CDC14A: variants seen among roughly 807,000 people sequenced by gnomAD.
CDC14A encodes dual specificity protein phosphatase CDC14A.
CDC14A carries 53 observed loss-of-function variants against 74.4 expected under a neutral mutation model. The observed-to-expected ratio is 0.71, with a 90% CI of 0.57 to 0.89. The LOEUF (loss-of-function observed/expected upper bound fraction) is 0.89, where lower values mean the gene tolerates loss of function less well. Among genes scored for constraint, CDC14A ranks in the 40% least tolerant of loss-of-function variants. CDC14A has a pLI of 0.00. For missense variants in CDC14A, 646 were observed against 713.7 expected, an observed-to-expected ratio of 0.91 and a Z score of 1.08; for synonymous variants, 247 against 258.4, an observed-to-expected ratio of 0.96 and a Z score of 0.43.
chr1:100,369,304 T>A (rs1654095384), intron 2 of CDC14A, among the ~76,000 whole-genome samples: 1 of 152,190 alleles, frequency 6.6e-6, no homozygotes, highest in Non-Finnish European at 1.5e-5. Context: ...AGATGGGGTT[T>A]CACCATGTTG....
chr1:100,352,460 A>G, upstream of CDC14A: 1 of 1,008,826 alleles, frequency 9.9e-7, no homozygotes, highest in Non-Finnish European at 1.2e-6. Flanking sequence ...GGGGAGGAGG[A>G]GGAGGAAGAG....
chr1:100,414,967 G>C (rs1257174454), intron 4 of CDC14A, among the ~76,000 whole-genome samples: 1 of 152,096 alleles, frequency 6.6e-6, no homozygotes, highest in Non-Finnish European at 1.5e-5. Flanking sequence ...CACACAACCA[G>C]CTCAGTGAGG....
intron 4 of CDC14A, among the ~76,000 whole-genome samples, chr1:100,401,986 C>T (rs368817602): frequency 1.3e-5 from 2 of 151,478 alleles, no homozygotes; most frequent in African/African-American, 2.4e-5. Flanking sequence ...TGTGGTGAGC[C>T]GAGATCGCGC....
intron 2 of CDC14A, among the ~76,000 whole-genome samples, chr1:100,374,264 G>T (rs79230816): frequency 6.6e-6 from 1 of 151,798 alleles, no homozygotes; most frequent in Non-Finnish European, 1.5e-5. Flanking sequence ...CGCAATAAAC[G>T]TACGTGTGCA....
chr1:100,482,810 C>T (rs939268255), intron 10 of CDC14A, among the ~76,000 whole-genome samples: 4 of 151,724 alleles, frequency 2.6e-5, no homozygotes, highest in East Asian at 1.9e-4. Flanking sequence ...AGAGAGATAT[C>T]GAAAGATATA....
chr1:100,462,163 G>A (rs1288395685), intron 8 of CDC14A, among the ~76,000 whole-genome samples: 2 of 152,190 alleles, frequency 1.3e-5, no homozygotes, highest in Non-Finnish European at 2.9e-5. Flanking sequence ...ATACGCAATT[G>A]TGACTTGTAC....
rs755431377 is a variant in CDC14A at position 100,499,222 on chromosome 1, TTTC to T, written c.1725_1727del (p.Ser576del). On this transcript the variant is annotated inframe_deletion, in exon 15 of 16. Coordinates refer to ENST00000336454, the MANE Select transcript of CDC14A (RefSeq NM_003672.4). ...ATCCTCCGACCCTCCTACACCGGGCTTTCTTCTTCTTCAGCGAGATTCCTGAGC... is the reference window on the plus strand; with the variant it reads ...ATCCTCCGACCCTCCTACACCGGGCTTTCTTCTTCAGCGAGATTCCTGAGC... The T allele has an allele frequency of 1.5e-5, 25 of 1,614,014 alleles. No individual in the cohort carries two copies. The highest frequency in any genetic ancestry group is 4.5e-5 in the East Asian group (2 of 44,898).
At chr1:100,367,578 AC>A (rs1653809925) in intron 2 of CDC14A, among the ~76,000 whole-genome samples, 2 of 152,236 alleles carry the variant, frequency 1.3e-5, no homozygotes, top group Non-Finnish European at 1.5e-5. Flanking sequence ...AAATAGTCTT[AC>A]AAGTGTAAGT....
intron 11 of CDC14A, among the ~76,000 whole-genome samples, chr1:100,488,163 T>C (rs1207930210): frequency 6.6e-6 from 1 of 152,190 alleles, no homozygotes; most frequent in African/African-American, 2.4e-5. Flanking sequence ...AAAGATAGAA[T>C]TTAAAGTACT....
At chr1:100,370,194 GC>G (rs1052826988) in intron 2 of CDC14A, among the ~76,000 whole-genome samples, 2 of 151,922 alleles carry the variant, frequency 1.3e-5, no homozygotes, top group Admixed American at 1.3e-4. Flanking sequence ...TGTTGCCCAG[GC>G]CGGTCTTGAA....
intron 5 of CDC14A, among the ~76,000 whole-genome samples, chr1:100,436,765 T>C (rs1664392848): frequency 6.6e-6 from 1 of 152,148 alleles, no homozygotes; most frequent in African/African-American, 2.4e-5. Context: ...TATTCAGTTT[T>C]CTTGGTCTTC....
chr1:100,417,642 C>T (rs1661705889), intron 4 of CDC14A, among the ~76,000 whole-genome samples: 1 of 152,212 alleles, frequency 6.6e-6, no homozygotes, highest in African/African-American at 2.4e-5. Flanking sequence ...ATTGCTTTCT[C>T]TTGAAGCACA....
chr1:100,413,322 A>T (rs1661118856), intron 4 of CDC14A, among the ~76,000 whole-genome samples: 1 of 152,224 alleles, frequency 6.6e-6, no homozygotes, highest in Admixed American at 6.5e-5. Flanking sequence ...TTCAAAGAAC[A>T]GTAGCTTACA....
chr1:100,374,139 A>C lies in CDC14A; in HGVS notation c.141-3407A>C, dbSNP rs562263590. ...TCCCTACAAAGGACATGAACTCATCATTTTTTATGGCTGCATAGTATTCCA... is the reference window on the plus strand; with the variant it reads ...TCCCTACAAAGGACATGAACTCATCCTTTTTTATGGCTGCATAGTATTCCA... On this transcript the variant is annotated intron_variant, in intron 2 of 15. Coordinates refer to ENST00000336454, the MANE Select transcript of CDC14A (RefSeq NM_003672.4). Among the ~76,000 whole-genome samples the C allele has an allele frequency of 3.9e-3, 587 of 152,194 alleles. 5 individuals are homozygous for C. Among genetic ancestry groups the C allele is most frequent in the African/African-American group, 0.013 (548 of 41,508 alleles).
chr1:100,354,143 A>T (rs1651552997), intron 2 of CDC14A, among the ~76,000 whole-genome samples: 1 of 152,216 alleles, frequency 6.6e-6, no homozygotes, highest in Admixed American at 6.5e-5. Flanking sequence ...CCAGGGAGAC[A>T]CACTGTCATT....
rs924243872 is a variant in CDC14A, at chr1:100,508,502, TTC to T, written c.1755+9248_1755+9249del. Among the ~76,000 whole-genome samples, 4 of 152,122 alleles carry T rather than the reference TTC, an allele frequency of 2.6e-5. No homozygotes were observed. Among genetic ancestry groups the T allele is most frequent in the Admixed American group, 6.5e-5 (1 of 15,270 alleles). ...GAGTGTTGGTGTGTTTCTCTCCTCTTTCTCTCTCTGTTTTTCCCTCCTCGTCT... is the reference window on the plus strand; with the variant it reads ...GAGTGTTGGTGTGTTTCTCTCCTCTTTCTCTCTGTTTTTCCCTCCTCGTCT... On this transcript the variant is annotated intron_variant, in intron 15 of 15. Coordinates refer to ENST00000336454, the MANE Select transcript of CDC14A (RefSeq NM_003672.4). The surrounding 1 kb of genome is among the most constrained non-coding windows in gnomAD (Gnocchi z 4.4).
At position 100,433,043 on chromosome 1, in the gene CDC14A, A is replaced by AT. The variant is rs200285214; in HGVS notation, c.390-6889_390-6888insT. 3.8e-4 allele frequency among the ~76,000 whole-genome samples: 57 copies of AT among 148,168 alleles called. No individual in the cohort carries two copies. In the East Asian group the frequency reaches 6.6e-3, roughly 17 times the overall value. On this transcript the variant is annotated intron_variant, in intron 5 of 15. Coordinates refer to ENST00000336454, the MANE Select transcript of CDC14A (RefSeq NM_003672.4). ...GCTTGCTACCACTCCTGTCTAATTA[A>AT]ATTTTTTTTTTTTTTAAATAGAGAA...
intron 2 of CDC14A, among the ~76,000 whole-genome samples, chr1:100,376,819 A>G (rs988287796): frequency 5.9e-5 from 9 of 152,172 alleles, no homozygotes; most frequent in Non-Finnish European, 4.4e-5. Flanking sequence ...GATACTTGAG[A>G]ATTGTGAGCT....
chr1:100,360,018 C>A (rs1281684083), intron 2 of CDC14A, among the ~76,000 whole-genome samples: 2 of 149,716 alleles, frequency 1.3e-5, no homozygotes, highest in Non-Finnish European at 3.0e-5. Flanking sequence ...TCTCAGCTCA[C>A]TGTAACCTCC....
Sources: allele counts gnomAD v4.1 joint callset (sites outside exome capture counted in the v4.1 genomes callset), GRCh38; gene constraint gnomAD v4.1.1; non-coding constraint Gnocchi (gnomAD v3.1); transcripts MANE v1.5; gene names NCBI Gene and HGNC (gene_info 2026-07-23, HGNC 2026-07-21).